The following RP9 variants were observed in gnomAD, a reference collection of about 807,000 sequenced individuals.
RP9 encodes retinitis pigmentosa 9 protein.
Under a neutral mutation model 32.6 loss-of-function variants are expected in RP9, and 23 were observed. That is an observed-to-expected ratio of 0.71 (90% confidence interval 0.51 to 1.00). RP9 has a LOEUF of 1.00. RP9 is among the 50% of genes least tolerant of loss of function. The probability of loss-of-function intolerance (pLI) is 0.00; values close to 1 mark genes in which losing one functional copy is unlikely to be tolerated. For synonymous variants in RP9, 94 were observed against 103.6 expected (o/e 0.91, Z 0.56); for missense variants, 245 against 285.3 (o/e 0.86, Z 1.02).
intron 5 of RP9, 94 bp from the exon 6 acceptor site, chr7:33,095,526 T>C (rs1040331743): frequency 1.3e-6 from 2 of 1,564,624 alleles, no homozygotes; most frequent in Non-Finnish European, 8.7e-7. Flanking sequence ...CAGTATAGGA[T>C]GATGAATAAC....
chr7:33,103,596 T>C (rs1349137359), intron 1 of RP9, among the ~76,000 whole-genome samples: 2 of 152,110 alleles, frequency 1.3e-5, no homozygotes, highest in African/African-American at 4.8e-5. Flanking sequence ...AGAGGATTCC[T>C]TGAAGCCAGG....
chr7:33,109,228 C>A lies in RP9; in HGVS notation c.145G>T (p.Glu49Ter), dbSNP rs1788546147. ...AQQLQQLKHLESFYEKPPPGL... is the reference protein window; with the variant it reads ...AQQLQQLKHL Reference sequence around the variant, plus strand: ...CGGCAGCTCGGGACTCACAAGGACTCCAGGTGCTTGAGCTGCTGCAGCTGC... The same window carrying A: ...CGGCAGCTCGGGACTCACAAGGACTACAGGTGCTTGAGCTGCTGCAGCTGC... Residue 49 changes from glutamate (E) to a stop codon, truncating the protein, a stop_gained, in exon 1 of 6, where the codon GAG becomes TAG. Transcript: ENST00000297157. LOFTEE classifies it high-confidence loss of function. The surrounding 1 kb of genome is among the most constrained non-coding windows in gnomAD (Gnocchi z 4.9). The A allele has an allele frequency of 1.3e-6, 2 of 1,498,072 alleles. No individual in the cohort carries two copies. Among genetic ancestry groups the A allele is most frequent in the African/African-American group, 1.5e-5 (1 of 68,358 alleles). 92.8% of individuals were successfully genotyped at this position (1,498,072 alleles called of 1,614,324 possible). A position where few individuals can be genotyped will look rare whatever the true frequency, so the allele number is the denominator to read the frequency against.
rs1202295926 is a variant in RP9 at position 33,109,140 on chromosome 7, T to C, written c.152+81A>G. The C allele has an allele frequency of 1.7e-5, 24 of 1,447,352 alleles. No homozygotes were observed. Among genetic ancestry groups the C allele is most frequent in the Non-Finnish European group, 1.7e-5 (19 of 1,100,288 alleles). 89.7% of individuals were successfully genotyped at this position (1,447,352 alleles called of 1,614,324 possible). ...TCGCGGGGGCTCGGAGGACCCGGCC[T>C]AGCGCCCACCGCGGCGTCCCGCGCC... On this transcript the variant is annotated intron_variant, in intron 1 of 5. Coordinates refer to ENST00000297157, the MANE Select transcript of RP9 (RefSeq NM_203288.2). This position sits in a 1 kb window ranked among gnomAD's most constrained non-coding sequence, Gnocchi z 4.9.
At position 33,097,280 on chromosome 7, in the gene RP9, C is replaced by G. The variant is rs2128031844; in HGVS notation, c.396G>C (p.Gln132His). 3 of 1,611,634 alleles carry G rather than the reference C, an allele frequency of 1.9e-6. No individual in the cohort carries two copies. The East Asian group carries it at 6.7e-5, about 36-fold the overall frequency. ...CTTGGACTTTACTTACCACTCTGAA[C>G]TGCTCTAACTTTTGGTTGCCTTTGA... The part of the protein sequence containing the change: ...FFIKGNQKLE[Q>H]FRVAHEDPMY... Residue 132 changes from glutamine (Q) to histidine (H), a missense_variant, in exon 4 of 6, where the codon CAG (glutamine) becomes CAC (histidine). By Grantham distance (24) the Gln-to-His change is conservative. Around this residue, in one of 2 missense-constraint regions of RP9, gnomAD observed 63 missense variants for 109.8 expected, o/e 0.57. Transcript: ENST00000297157.
intron 5 of RP9, 54 bp from the exon 6 acceptor site, chr7:33,095,486 A>C (rs542293246): frequency 2.5e-6 from 4 of 1,607,336 alleles, no homozygotes; most frequent in Non-Finnish European, 3.4e-6. Flanking sequence ...AACTTACAAC[A>C]GTTGCTTAGA....
intron 2 of RP9, chr7:33,100,311 G>A (rs577287767): frequency 1.8e-5 from 11 of 613,962 alleles, no homozygotes; most frequent in African/African-American, 1.1e-4. Flanking sequence ...ACGTGGGCCT[G>A]CACTGGTTCT....
chr7:33,101,308 A>C (rs6963955), intron 1 of RP9, among the ~76,000 whole-genome samples: 79,091 of 152,148 alleles, frequency 0.52, 21,107 homozygotes, highest in African/African-American at 0.64. Flanking sequence ...AAAAGTGAAA[A>C]AATTTTCATT....
chr7:33,099,596 G>GA (rs1439717255), intron 2 of RP9, among the ~76,000 whole-genome samples, 160 bp from the exon 3 acceptor site: 3 of 151,878 alleles, frequency 2.0e-5, no homozygotes, highest in African/African-American at 7.3e-5. Context: ...ACACCTGATT[G>GA]AAAAAACAGG....
Position 33,109,215 on chromosome 7 carries a change from A to T in RP9, c.152+6T>A. 1 of 1,494,262 alleles carries T rather than the reference A, an allele frequency of 6.7e-7. No homozygotes were observed. The highest frequency in any genetic ancestry group is 1.2e-5 in the South Asian group (1 of 80,278). The allele number at this position is 1,494,262 out of a possible 1,614,324, so 92.6% of individuals were successfully genotyped here. On this transcript the variant is annotated splice_donor_region_variant and intron_variant, in intron 1 of 5. Coordinates refer to ENST00000297157, the MANE Select transcript of RP9 (RefSeq NM_203288.2). This position sits in a 1 kb window ranked among gnomAD's most constrained non-coding sequence, Gnocchi z 4.9. ...GGCCGCGCGCGGACGGCAGCTCGGGACTCACAAGGACTCCAGGTGCTTGAG... is the reference window on the plus strand; with the variant it reads ...GGCCGCGCGCGGACGGCAGCTCGGGTCTCACAAGGACTCCAGGTGCTTGAG...
In RP9 at chr7:33,096,553, G is replaced by GC; in HGVS notation, c.406dup (p.Ala136GlyfsTer3). ...GATGTCATACATGGGATCTTCATGT[G>GC]CCTTAAGGGTCAGAGAAGGTTAAGG... On this transcript the variant is annotated frameshift_variant and splice_region_variant, in exon 5 of 6. Transcript: ENST00000297157. LOFTEE classifies it high-confidence loss of function. 6.2e-7 allele frequency: 1 copy of GC among 1,608,624 alleles called. No homozygotes were observed. Among genetic ancestry groups the GC allele is most frequent in the Non-Finnish European group, 8.5e-7 (1 of 1,175,088 alleles).
In RP9 at chr7:33,096,473, TATC is replaced by T. The variant is rs1158394895; in HGVS notation, c.467+17_467+19del. On this transcript the variant is annotated intron_variant, in intron 5 of 5. Transcript: ENST00000297157. ...TTTTAAAACTTTAAGGGGATATTGTTATCATCAGGACGACCTCACCTTACGTCC... is the reference window on the plus strand; with the variant it reads ...TTTTAAAACTTTAAGGGGATATTGTTATCAGGACGACCTCACCTTACGTCC... The T allele has an allele frequency of 2.5e-6, 4 of 1,573,952 alleles. No individual in the cohort carries two copies. The highest frequency in any genetic ancestry group is 1.7e-5 in the Admixed American group (1 of 59,952).
intron 1 of RP9, 96 bp from the exon 2 acceptor site, chr7:33,100,657 G>C (rs759895247): frequency 1.0e-6 from 1 of 980,860 alleles, no homozygotes; most frequent in South Asian, 1.3e-5. Context: ...TTTAATCAGA[G>C]ATTTTAGCAA....
At chr7:33,097,723 T>C (rs551952710) in intron 3 of RP9, among the ~76,000 whole-genome samples, 16 of 152,000 alleles carry the variant, frequency 1.1e-4, no homozygotes, top group Non-Finnish European at 1.8e-4. Flanking sequence ...GGGTTCAAGA[T>C]ATTCTTCTAT....
Position 33,097,352 on chromosome 7 carries a change from G to GC in RP9, c.323dup (p.Cys108TrpfsTer10), listed in dbSNP as rs1332513783. ...CACCCGTTCGGTGACCATAGCGTTT[G>GC]CAACGCCAACCTAAAAACGAAAAGA... On this transcript the variant is annotated frameshift_variant, in exon 4 of 6. Coordinates refer to ENST00000297157, the MANE Select transcript of RP9 (RefSeq NM_203288.2). LOFTEE classifies it high-confidence loss of function. 1.9e-6 allele frequency: 3 copies of GC among 1,612,878 alleles called. No homozygotes were observed. The highest frequency in any genetic ancestry group is 2.5e-6 in the Non-Finnish European group (3 of 1,178,982).
At chr7:33,107,492 T>C (rs943894050) in intron 1 of RP9, among the ~76,000 whole-genome samples, 1 of 152,180 alleles carries the variant, frequency 6.6e-6, no homozygotes, top group Non-Finnish European at 1.5e-5. Context: ...GGGGAAGATC[T>C]TTGAACACCT....
chr7:33,099,212 G>T, intron 3 of RP9, 95 bp downstream of exon 3: 1 of 1,417,542 alleles, frequency 7.1e-7, no homozygotes, highest in Non-Finnish European at 9.9e-7. Context: ...CTGTAAGAGG[G>T]CTGTGATGAG....
chr7:33,095,438 C>T lies in RP9; in HGVS notation c.468-6G>A, dbSNP rs1440567024. On this transcript the variant is annotated splice_polypyrimidine_tract_variant and splice_region_variant and intron_variant, in intron 5 of 5. Coordinates refer to ENST00000297157, the MANE Select transcript of RP9 (RefSeq NM_203288.2). ...ACTGTTTTAACTGCTGTATCCTAAACATTCAAAATTGATCAAAGAACAGTG... is the reference window on the plus strand; with the variant it reads ...ACTGTTTTAACTGCTGTATCCTAAATATTCAAAATTGATCAAAGAACAGTG... The T allele has an allele frequency of 6.2e-7, 1 of 1,613,538 alleles. No homozygotes were observed. The highest frequency in any genetic ancestry group is 1.7e-5 in the Admixed American group (1 of 59,978).
In RP9 at chr7:33,109,174, C is replaced by T. The variant is rs1172171449; in HGVS notation, c.152+47G>A. Reference sequence around the variant, plus strand: ...CCGCGGCGTCCCGCGCCCCGGGCCCCTGGCTTCAGAAGACTGGCCGCGCGC... The same window carrying T: ...CCGCGGCGTCCCGCGCCCCGGGCCCTTGGCTTCAGAAGACTGGCCGCGCGC... On this transcript the variant is annotated intron_variant, in intron 1 of 5. Transcript: ENST00000297157. This position sits in a 1 kb window ranked among gnomAD's most constrained non-coding sequence, Gnocchi z 4.9. 5.4e-6 allele frequency: 8 copies of T among 1,476,360 alleles called. No individual in the cohort carries two copies. Among genetic ancestry groups the T allele is most frequent in the Non-Finnish European group, 7.2e-6 (8 of 1,115,140 alleles). The allele number at this position is 1,476,360 out of a possible 1,614,324, so 91.5% of individuals were successfully genotyped here. A position where few individuals can be genotyped will look rare whatever the true frequency, so the allele number is the denominator to read the frequency against.
At chr7:33,096,413 C>G in intron 5 of RP9, 80 bp downstream of exon 5, 1 of 978,664 alleles carries the variant, frequency 1.0e-6, no homozygotes, top group Non-Finnish European at 1.6e-6. Flanking sequence ...CACCATTCCT[C>G]TAACACTAGA....
Sources: allele counts gnomAD v4.1 joint callset (sites outside exome capture counted in the v4.1 genomes callset), GRCh38; gene constraint gnomAD v4.1.1; regional missense constraint gnomAD v4.1.1; non-coding constraint Gnocchi (gnomAD v3.1); transcripts MANE v1.5; gene names NCBI Gene and HGNC (gene_info 2026-07-23, HGNC 2026-07-21).